GDF1: variants seen among roughly 807,000 people sequenced by gnomAD.
The protein encoded by GDF1 is embryonic growth/differentiation factor 1.
A neutral mutation model predicts 7.4 loss-of-function variants in GDF1; 8 were observed. The ratio of observed to expected loss-of-function variants is 1.09; its 90% CI spans 0.64 to 1.96. GDF1 has a LOEUF of 1.96. GDF1 is among the 30% of genes most tolerant of loss of function. The pLI, the probability that GDF1 is intolerant of heterozygous loss-of-function variation, is 0.00. For synonymous variants in GDF1, 311 were observed against 276.7 expected (o/e 1.12, Z -1.23); for missense variants, 574 against 551.5 (o/e 1.04, Z -0.41).
At chr19:18,873,936 G>C (rs989245263) in intron 6 of GDF1, among the ~76,000 whole-genome samples, 2 of 152,028 alleles carry the variant, frequency 1.3e-5, no homozygotes, top group African/African-American at 4.8e-5. Flanking sequence ...TCTTCGGGAT[G>C]GGGGGAGGAA....
intron 2 of GDF1, among the ~76,000 whole-genome samples, chr19:18,885,516 T>TCG (rs1555705566): frequency 0.024 from 669 of 27,652 alleles, 5 homozygotes; most frequent in Admixed American, 0.052. Flanking sequence ...TTCTCGTTTT[T>TCG]TTTTTTTTTT....
intron 3 of GDF1, chr19:18,882,205 T>C (rs1047786594): frequency 1.3e-5 from 2 of 154,436 alleles, no homozygotes; most frequent in Non-Finnish European, 2.9e-5. Context: ...CCTTGAATTA[T>C]AGAACTTTCT....
chr19:18,876,026 T>C (rs112643984), intron 6 of GDF1, among the ~76,000 whole-genome samples: 47 of 152,316 alleles, frequency 3.1e-4, no homozygotes, highest in African/African-American at 1.0e-3. Flanking sequence ...GTTATAGAGT[T>C]CCTGGGAAAG....
Position 18,869,124 on chromosome 19 carries a change from G to C in GDF1, c.592C>G (p.Leu198Val). ...TTGCGAGCCCAAGCGGCGCCCAGCA[G>C]CTCCGCGCGCACTGGCGGCCCCAGG... ...PALGPPVRAELLGAAWARNAS... is the reference protein window; with the variant it reads ...PALGPPVRAEVLGAAWARNAS... Residue 198 changes from leucine (L) to valine (V), a missense_variant, in exon 8 of 8, where the codon CTG (leucine) becomes GTG (valine). Coordinates refer to ENST00000247005, the MANE Select transcript of GDF1 (RefSeq NM_001492.6). The C allele has an allele frequency of 9.1e-7, 1 of 1,094,324 alleles. No homozygotes were observed. The allele number at this position is 1,094,324 out of a possible 1,614,324, so 67.8% of individuals were successfully genotyped here. A position where few individuals can be genotyped will look rare whatever the true frequency, so the allele number is the denominator to read the frequency against.
chr19:18,872,356 G>GT (rs578111753), intron 6 of GDF1, among the ~76,000 whole-genome samples: 81 of 150,866 alleles, frequency 5.4e-4, no homozygotes, highest in South Asian at 1.7e-3. Flanking sequence ...TTCTTGTTTT[G>GT]TTTTTTTTTG....
At chr19:18,875,215 G>A (rs745478472) in intron 6 of GDF1, among the ~76,000 whole-genome samples, 8 of 150,268 alleles carry the variant, frequency 5.3e-5, no homozygotes, top group Non-Finnish European at 7.4e-5. Context: ...CAGCGTGGGC[G>A]ACAGAGTGGG....
intron 1 of GDF1, among the ~76,000 whole-genome samples, chr19:18,894,683 G>A (rs2056582467): frequency 6.6e-6 from 1 of 152,134 alleles, no homozygotes; most frequent in South Asian, 2.1e-4. Flanking sequence ...CCAGGGAGGG[G>A]CCCTGGACAG....
rs556458185 is a variant in GDF1, at chr19:18,886,317, A to T, written c.-913-2050T>A. ...GTAATCCCAGCACTTTGGGAGGCCG[A>T]GGCGGGCGGATCACAAGGTCAGGAG... On this transcript the variant is annotated intron_variant, in intron 2 of 7. Transcript: ENST00000247005. Among the ~76,000 whole-genome samples the T allele has an allele frequency of 2.2e-3, 336 of 152,262 alleles. 1 individual carries two copies. The highest frequency in any genetic ancestry group is 4.5e-3 in the Admixed American group (69 of 15,290).
At position 18,895,538 on chromosome 19, in the gene GDF1, G is replaced by C. The variant is rs542942608; in HGVS notation, c.-1074+286C>G. ...ACGTCTCAAACATCCCACCTGTCTC[G>C]GGCCCCCCATGTCCCAGACTCACCC... On this transcript the variant is annotated intron_variant, in intron 1 of 7. Coordinates refer to ENST00000247005, the MANE Select transcript of GDF1 (RefSeq NM_001492.6). The surrounding 1 kb of genome is among the most constrained non-coding windows in gnomAD (Gnocchi z 6.4). Among the ~76,000 whole-genome samples, 2 of 151,568 alleles carry C rather than the reference G, an allele frequency of 1.3e-5. No individual in the cohort carries two copies. The highest frequency in any genetic ancestry group is 4.8e-5 in the African/African-American group (2 of 41,278).
rs1225897816 is a variant in GDF1 at position 18,870,816 on chromosome 19, G to A, written c.-312-197C>T. On this transcript the variant is annotated intron_variant, in intron 6 of 7. Coordinates refer to ENST00000247005, the MANE Select transcript of GDF1 (RefSeq NM_001492.6). The surrounding 1 kb of genome is among the most constrained non-coding windows in gnomAD (Gnocchi z 5.1). ...CCCTGCCCCTCCTTCAACCTGCCCC[G>A]TAGGCACGTATGTCCCCCCTGGCAC... is the stretch of plus-strand genomic sequence containing the variant. Among the ~76,000 whole-genome samples the A allele has an allele frequency of 6.6e-6, 1 of 150,546 alleles. No homozygotes were observed. The highest frequency in any genetic ancestry group is 1.5e-5 in the Non-Finnish European group (1 of 67,730).
intron 2 of GDF1, among the ~76,000 whole-genome samples, chr19:18,887,052 A>G (rs1341581788): frequency 1.3e-5 from 2 of 152,224 alleles, no homozygotes; most frequent in African/African-American, 4.8e-5. Context: ...TCAAAGAGAT[A>G]CTCATGTGTC....
intron 2 of GDF1, among the ~76,000 whole-genome samples, chr19:18,884,898 TAG>T (rs1233423558): frequency 6.6e-6 from 1 of 150,630 alleles, no homozygotes; most frequent in African/African-American, 2.4e-5. Flanking sequence ...GTATTTTTAG[TAG>T]AGATGGGCTT....
At chr19:18,874,818 A>T (rs754519358) in intron 6 of GDF1, among the ~76,000 whole-genome samples, 11 of 152,176 alleles carry the variant, frequency 7.2e-5, no homozygotes, top group Non-Finnish European at 1.2e-4. Flanking sequence ...AAGAAGCAGC[A>T]ATGGGGTGAG....
chr19:18,891,166 G>A (rs979070395), intron 2 of GDF1, among the ~76,000 whole-genome samples: 1 of 151,714 alleles, frequency 6.6e-6, no homozygotes, highest in Non-Finnish European at 1.5e-5. Context: ...TGGGTCATCC[G>A]TCTAGAAGGA....
Position 18,869,182 on chromosome 19 carries a change from G to A in GDF1, c.534C>T (p.Pro178=), listed in dbSNP as rs1388551951. The A allele has an allele frequency of 1.5e-5, 17 of 1,166,718 alleles. No individual in the cohort carries two copies. Among genetic ancestry groups the A allele is most frequent in the South Asian group, 6.6e-5 (2 of 30,300 alleles). The allele number at this position is 1,166,718 out of a possible 1,614,324, so 72.3% of individuals were successfully genotyped here. ...AQAGQGAGAD[P]GPVLLRQLVP... is the part of the protein sequence containing the mutation. ...CCAACTGGCGGAGCAGCACCGGCCC[G>A]GGGTCCGCGCCCGCGCCCTGGCCCG... Residue 178 remains proline (P), a synonymous_variant, in exon 8 of 8, where the codon CCC becomes CCT. Transcript: ENST00000247005.
At chr19:18,871,128 C>A (rs1214040016) in intron 6 of GDF1, among the ~76,000 whole-genome samples, 2 of 151,514 alleles carry the variant, frequency 1.3e-5, no homozygotes, top group Non-Finnish European at 2.9e-5. Context: ...GTGGTCCAGG[C>A]TAGAGCTGTG....
At chr19:18,880,727 C>T (rs1436570467) in intron 3 of GDF1, among the ~76,000 whole-genome samples, 1 of 151,932 alleles carries the variant, frequency 6.6e-6, no homozygotes, top group Admixed American at 6.6e-5. Context: ...GAGACAGGGT[C>T]TTGCTCTGTG....
rs769251788 is a variant in GDF1, at chr19:18,884,076, C to G, written c.-733+11G>C. 6.2e-5 allele frequency: 99 copies of G among 1,609,688 alleles called. No homozygotes were observed. The highest frequency in any genetic ancestry group is 8.2e-5 in the Non-Finnish European group (96 of 1,177,314). On this transcript the variant is annotated intron_variant, in intron 3 of 7. Coordinates refer to ENST00000247005, the MANE Select transcript of GDF1 (RefSeq NM_001492.6). ...GTGCCTCGGCCCCCTGCCACCCGATCCTGTCCTTACCGGAAGGCGTAGGAG... is the reference window on the plus strand; with the variant it reads ...GTGCCTCGGCCCCCTGCCACCCGATGCTGTCCTTACCGGAAGGCGTAGGAG...
intron 2 of GDF1, among the ~76,000 whole-genome samples, chr19:18,886,091 GCTGCCAGACACCAAATTCAA>G (rs2056350359): frequency 1.3e-5 from 2 of 152,184 alleles, no homozygotes; most frequent in African/African-American, 4.8e-5. Context: ...ATCCCCAGAG[GCTGCCAGACACCAAATTCAA>G]GGGCTATGCT....
Sources: gnomAD v4.1 joint callset for allele counts (sites outside exome capture counted in the v4.1 genomes callset) on GRCh38, gnomAD v4.1.1 for gene constraint, Gnocchi (gnomAD v3.1) non-coding constraint, MANE v1.5 for transcripts, NCBI Gene and HGNC (gene_info 2026-07-23, HGNC 2026-07-21) for gene names.